Variants in CHML observed in about 807,000 individuals in gnomAD.
CHML encodes rab proteins geranylgeranyltransferase component A 2.
A neutral mutation model predicts 30.4 loss-of-function variants in CHML; 20 were observed. The observed-to-expected ratio is 0.66, with a 90% CI of 0.46 to 0.95. The LOEUF (loss-of-function observed/expected upper bound fraction) is 0.95. CHML is among the 40% of genes least tolerant of loss of function. The probability of loss-of-function intolerance (pLI) is 0.00; values close to 1 mark genes in which losing one functional copy is unlikely to be tolerated. For missense variants in CHML, 795 were observed against 768.5 expected, an observed-to-expected ratio of 1.03 and a Z score of -0.41; for synonymous variants, 281 against 275.0, an observed-to-expected ratio of 1.02 and a Z score of -0.22.
In CHML at chr1:241,640,337, G is replaced by T. The variant is rs183350084; in HGVS notation, c.-763C>A. 5.6e-6 allele frequency: 6 copies of T among 1,068,400 alleles called. No homozygotes were observed. The highest frequency in any genetic ancestry group is 1.7e-5 in the African/African-American group (1 of 58,858). The allele number at this position is 1,068,400 out of a possible 1,614,324, so 66.2% of individuals were successfully genotyped here. On this transcript the variant is annotated 5_prime_UTR_variant, in exon 1 of 2. Coordinates refer to ENST00000366553, the MANE Select transcript of CHML (RefSeq NM_001381853.1). ...GCGCGCTCCGCACTGGGTGGGGTTG[G>T]GGCTCCGCCGCCTGCTCTAGCCATT... is the stretch of plus-strand genomic sequence containing the variant.
Position 241,634,500 on chromosome 1 carries a change from C to T in CHML, c.1267G>A (p.Asp423Asn). The T allele has an allele frequency of 1.2e-6, 2 of 1,613,816 alleles. No homozygotes were observed. The highest frequency in any genetic ancestry group is 1.6e-4 in the Middle Eastern group (1 of 6,062). ...KESGRCKAIIDHFGQRINAKY... is the reference protein window; with the variant it reads ...KESGRCKAIINHFGQRINAKY... ...GCATTTATTCTTTGACCAAAGTGATCTATAATTGCTTTACATCGTCCAGAT... is the reference window on the plus strand; with the variant it reads ...GCATTTATTCTTTGACCAAAGTGATTTATAATTGCTTTACATCGTCCAGAT... Residue 423 changes from aspartate to asparagine, a missense_variant, in exon 2 of 2, where the codon GAT (aspartate) becomes AAT (asparagine). By Grantham distance (23) the Asp-to-Asn change is conservative. Transcript: ENST00000366553.
Position 241,634,660 on chromosome 1 carries a change from C to A in CHML, c.1107G>T (p.Arg369=), listed in dbSNP as rs1474652859. The A allele has an allele frequency of 6.2e-7, 1 of 1,613,918 alleles. No individual in the cohort carries two copies. The highest frequency in any genetic ancestry group is 8.5e-7 in the Non-Finnish European group (1 of 1,179,886). ...GAAATAAAAAGGGGGTGTTGCCAAA[C>A]CGTCCGAGACACTGAAGGAAGTTTT... ...ATKNFLQCLG[R]FGNTPFLFPL... Residue 369 remains arginine, a synonymous_variant, in exon 2 of 2, where the codon CGG becomes CGT. Transcript: ENST00000366553.
chr1:241,633,987 C>CA lies in CHML; in HGVS notation c.1779dup (p.Glu594Ter). 3 of 1,613,950 alleles carry CA rather than the reference C, an allele frequency of 1.9e-6. No individual in the cohort carries two copies. The highest frequency in any genetic ancestry group is 2.5e-6 in the Non-Finnish European group (3 of 1,179,872). On this transcript the variant is annotated frameshift_variant, in exon 2 of 2. Coordinates refer to ENST00000366553, the MANE Select transcript of CHML (RefSeq NM_001381853.1). LOFTEE classifies it low-confidence loss of function (END_TRUNC). ...GGAAAGATCTCCTGGAAAAGTGTTTCAGCTTGCTTGACAGCATGCTCATTT... is the reference window on the plus strand; with the variant it reads ...GGAAAGATCTCCTGGAAAAGTGTTTCAAGCTTGCTTGACAGCATGCTCATTT...
Position 241,640,299 on chromosome 1 carries a change from G to T in CHML, c.-725C>A. 4 of 1,122,308 alleles carry T rather than the reference G, an allele frequency of 3.6e-6. No individual in the cohort carries two copies. The highest frequency in any genetic ancestry group is 8.8e-5 in the South Asian group (2 of 22,800). 69.5% of individuals were successfully genotyped at this position (1,122,308 alleles called of 1,614,324 possible). A position where few individuals can be genotyped will look rare whatever the true frequency, so the allele number is the denominator to read the frequency against. ...TGGCGGGCGGAGGCGCTCAGCTTGC[G>T]GCGGGGCTCGCGGCGCGCTCCGCAC... On this transcript the variant is annotated 5_prime_UTR_variant, in exon 1 of 2. Coordinates refer to ENST00000366553, the MANE Select transcript of CHML (RefSeq NM_001381853.1).
intron 1 of CHML, among the ~76,000 whole-genome samples, chr1:241,639,626 G>C (rs1016973887): frequency 6.6e-6 from 1 of 151,736 alleles, no homozygotes; most frequent in Admixed American, 6.6e-5. Context: ...GTGGGGGGCA[G>C]ATGAGAGACC....
In CHML at chr1:241,634,284, A is replaced by G. The variant is rs1664778227; in HGVS notation, c.1483T>C (p.Cys495Arg). ...GACAVRVTEL[C>R]SSTMTCMKDT... is the part of the protein sequence containing the mutation. ...TTCATGCATGTCATGGTTGAAGAAC[A>G]TAATTCTGTGACCCGTACAGCACAA... Residue 495 changes from cysteine (C) to arginine (R), a missense_variant, in exon 2 of 2, where the codon TGT (cysteine) becomes CGT (arginine). Coordinates refer to ENST00000366553, the MANE Select transcript of CHML (RefSeq NM_001381853.1). 2.5e-6 allele frequency: 4 copies of G among 1,614,016 alleles called. No homozygotes were observed. Among genetic ancestry groups the G allele is most frequent in the East Asian group, 2.2e-5 (1 of 44,884 alleles).
rs1415052135 is a variant in CHML at position 241,630,566 on chromosome 1, G to A, written c.*3230C>T. ...AGCCATGTTAATAGAAAATATTTAT[G>A]CTACTTTCCTTATCTTCCTCATTTT... On this transcript the variant is annotated 3_prime_UTR_variant, in exon 2 of 2. Transcript: ENST00000366553. The A allele has an allele frequency of 1.3e-5, 2 of 151,932 alleles. No individual in the cohort carries two copies. Among genetic ancestry groups the A allele is most frequent in the Non-Finnish European group, 2.9e-5 (2 of 67,900 alleles). 9.4% of individuals were successfully genotyped at this position (151,932 alleles called of 1,614,324 possible). A position where few individuals can be genotyped will look rare whatever the true frequency, so the allele number is the denominator to read the frequency against.
In CHML at chr1:241,633,759, A is replaced by G. The variant is rs1286607545; in HGVS notation, c.*37T>C. The G allele has an allele frequency of 6.2e-7, 1 of 1,605,498 alleles. No individual in the cohort carries two copies. The highest frequency in any genetic ancestry group is 8.5e-7 in the Non-Finnish European group (1 of 1,176,626). On this transcript the variant is annotated 3_prime_UTR_variant, in exon 2 of 2. Transcript: ENST00000366553. The stretch of plus-strand genomic sequence containing the variant: ...TAAATGAGAAAATTCTGATGCCATG[A>G]AGGAGGTCCAAAACAGCATTTCGAG...
Position 241,633,801 on chromosome 1 carries a change from T to C in CHML, c.1966A>G (p.Asn656Asp). The change falls in exon 2 of 2, where the codon AAT (asparagine) becomes GAT (aspartate). Residue 656 changes from asparagine to aspartate, a missense_variant. By Grantham distance (23) the Asn-to-Asp change is conservative. Coordinates refer to ENST00000366553, the MANE Select transcript of CHML (RefSeq NM_001381853.1). The part of the protein sequence containing the change: ...NLESPEKHLQ[N>D] Reference sequence around the variant, plus strand: ...CATTTCGAGATTGCTCTTTTCTAATTTTGAAGGTGCTTCTCTGGGCTTTCT... The same window carrying C: ...CATTTCGAGATTGCTCTTTTCTAATCTTGAAGGTGCTTCTCTGGGCTTTCT... 6.2e-7 allele frequency: 1 copy of C among 1,613,382 alleles called. No individual in the cohort carries two copies. Among genetic ancestry groups the C allele is most frequent in the Non-Finnish European group, 8.5e-7 (1 of 1,179,604 alleles).
Position 241,634,100 on chromosome 1 carries a change from A to G in CHML, c.1667T>C (p.Met556Thr), listed in dbSNP as rs11545708. Reference sequence around the variant, plus strand: ...TCTGCTGATTCCCGAGGAATCTCTCATATTAAAATAAAGAGCCCACAAGAG... The same window carrying G: ...TCTGCTGATTCCCGAGGAATCTCTCGTATTAAAATAAAGAGCCCACAAGAG... ...PRLLWALYFNMRDSSGISRSS... is the reference protein window; with the variant it reads ...PRLLWALYFNTRDSSGISRSS... Residue 556 changes from methionine to threonine, a missense_variant, in exon 2 of 2, where the codon ATG becomes ACG. Transcript: ENST00000366553. 1 of 1,610,748 alleles carries G rather than the reference A, an allele frequency of 6.2e-7. No individual in the cohort carries two copies. Among genetic ancestry groups the G allele is most frequent in the South Asian group, 1.1e-5 (1 of 90,480 alleles).
At position 241,635,785 on chromosome 1, in the gene CHML, C is replaced by A; in HGVS notation, c.-19G>T. ...CCGCCATTTTAGGAAGTAACAGCGT[C>A]TGGTGACAACTGCTGATGAAAGAAA... On this transcript the variant is annotated 5_prime_UTR_variant, in exon 2 of 2. Transcript: ENST00000366553. 1 of 1,591,992 alleles carries A rather than the reference C, an allele frequency of 6.3e-7. No homozygotes were observed. The highest frequency in any genetic ancestry group is 8.6e-7 in the Non-Finnish European group (1 of 1,167,960).
rs1664770683 is a variant in CHML, at chr1:241,634,158, C to T, written c.1609G>A (p.Glu537Lys). 1.9e-6 allele frequency: 3 copies of T among 1,613,642 alleles called. No homozygotes were observed. Among genetic ancestry groups the T allele is most frequent in the Non-Finnish European group, 2.5e-6 (3 of 1,179,822 alleles). ...TTTGTAAGTTCTTCCTCGTTTATTT[C>T]TGTTTCAGTATACGGAGTGAATAAT... ...KKLFTPYTET[E>K]INEEELTKPR... is the part of the protein sequence containing the mutation. Residue 537 changes from glutamate to lysine, a missense_variant, in exon 2 of 2, where the codon GAA (glutamate) becomes AAA (lysine). By Grantham distance (56) the Glu-to-Lys change is moderately conservative. Coordinates refer to ENST00000366553, the MANE Select transcript of CHML (RefSeq NM_001381853.1).
Position 241,634,875 on chromosome 1 carries a change from T to C in CHML, c.892A>G (p.Met298Val). ...ELTMVEKRML[M>V]KFLTFCLEYE... Reference sequence around the variant, plus strand: ...TCTAAACAAAATGTGAGAAATTTCATTAGCATCCTCTTTTCAACCATGGTG... The same window carrying C: ...TCTAAACAAAATGTGAGAAATTTCACTAGCATCCTCTTTTCAACCATGGTG... Residue 298 changes from methionine (M) to valine (V), a missense_variant, in exon 2 of 2, where the codon ATG becomes GTG. Transcript: ENST00000366553. 1.2e-6 allele frequency: 2 copies of C among 1,609,704 alleles called. No individual in the cohort carries two copies. The highest frequency in any genetic ancestry group is 1.7e-6 in the Non-Finnish European group (2 of 1,178,402).
chr1:241,636,199 T>C lies in CHML; in HGVS notation c.-307-126A>G, dbSNP rs373092001. On this transcript the variant is annotated intron_variant, in intron 1 of 1. Coordinates refer to ENST00000366553, the MANE Select transcript of CHML (RefSeq NM_001381853.1). ...GGACATAAACCTCTACTAAAGCATGTCTTAAATGCTTTCTCACATATTTTC... is the reference window on the plus strand; with the variant it reads ...GGACATAAACCTCTACTAAAGCATGCCTTAAATGCTTTCTCACATATTTTC... 152 of 396,710 alleles carry C rather than the reference T, an allele frequency of 3.8e-4. 2 individuals carry two copies. The highest frequency in any genetic ancestry group is 2.9e-3 in the East Asian group (82 of 27,804). 24.6% of individuals were successfully genotyped at this position (396,710 alleles called of 1,614,324 possible).
chr1:241,633,399 C>G lies in CHML; in HGVS notation c.*397G>C, dbSNP rs1175883871. On this transcript the variant is annotated 3_prime_UTR_variant, in exon 2 of 2. Coordinates refer to ENST00000366553, the MANE Select transcript of CHML (RefSeq NM_001381853.1). ...TTCGAACAGGCCGCAGCAACTGTAA[C>G]AGCTGCAAAAGTAATTAAAATATTA... 5.7e-6 allele frequency: 1 copy of G among 174,420 alleles called. No individual in the cohort carries two copies. Among genetic ancestry groups the G allele is most frequent in the Non-Finnish European group, 1.2e-5 (1 of 81,514 alleles). The allele number at this position is 174,420 out of a possible 1,614,324, so 10.8% of individuals were successfully genotyped here. A position where few individuals can be genotyped will look rare whatever the true frequency, so the allele number is the denominator to read the frequency against.
In CHML at chr1:241,635,139, C is replaced by T. The variant is rs780533014; in HGVS notation, c.628G>A (p.Asp210Asn). 100 of 1,612,704 alleles carry T rather than the reference C, an allele frequency of 6.2e-5. 1 individual carries two copies. The South Asian group carries it at 9.8e-4, about 16-fold the overall frequency. Residue 210 changes from aspartate to asparagine, a missense_variant, in exon 2 of 2, where the codon GAT becomes AAT. Transcript: ENST00000366553. ...ESKSTVEDKA[D>N]EPIRNRITYS... Reference sequence around the variant, plus strand: ...GTAATCCTATTTCTAATTGGTTCATCGGCCTTATCTTCTACTGTAGATTTG... The same window carrying T: ...GTAATCCTATTTCTAATTGGTTCATTGGCCTTATCTTCTACTGTAGATTTG...
At chr1:241,637,579 C>T (rs1314029645) in intron 1 of CHML, among the ~76,000 whole-genome samples, 1 of 152,138 alleles carries the variant, frequency 6.6e-6, no homozygotes, top group African/African-American at 2.4e-5. Flanking sequence ...CTTAGAAAGA[C>T]AGGGCTCAGG....
In CHML at chr1:241,634,065, T is replaced by C; in HGVS notation, c.1702A>G (p.Asn568Asp). Residue 568 changes from asparagine (N) to aspartate (D), a missense_variant, in exon 2 of 2, where the codon AAT becomes GAT. Coordinates refer to ENST00000366553, the MANE Select transcript of CHML (RefSeq NM_001381853.1). ...DSSGISRSSY[N>D]GLPSNVYVCS... Reference sequence around the variant, plus strand: ...ACATAAACATTGGAAGGCAAGCCATTATACGAGCTTCTGCTGATTCCCGAG... The same window carrying C: ...ACATAAACATTGGAAGGCAAGCCATCATACGAGCTTCTGCTGATTCCCGAG... 1 of 1,612,422 alleles carries C rather than the reference T, an allele frequency of 6.2e-7. No homozygotes were observed. The highest frequency in any genetic ancestry group is 8.5e-7 in the Non-Finnish European group (1 of 1,179,372).
At chr1:241,638,289 T>A (rs1482661147) in intron 1 of CHML, among the ~76,000 whole-genome samples, 2 of 151,866 alleles carry the variant, frequency 1.3e-5, no homozygotes, top group African/African-American at 4.8e-5. Flanking sequence ...AAGGGAGAAG[T>A]GACCAGGAGA....
Sources: allele counts gnomAD v4.1 joint callset (sites outside exome capture counted in the v4.1 genomes callset), GRCh38; gene constraint gnomAD v4.1.1; transcripts MANE v1.5; gene names NCBI Gene and HGNC (gene_info 2026-07-23, HGNC 2026-07-21).